Variants in SCFD2 observed in about 807,000 individuals in gnomAD.
The protein encoded by SCFD2 is sec1 family domain containing 2, also known as sec1 family domain-containing protein 2.
Under a neutral mutation model 58.9 loss-of-function variants are expected in SCFD2, and 54 were observed. The ratio of observed to expected loss-of-function variants is 0.92; its 90% CI spans 0.74 to 1.15. The LOEUF is 1.15. SCFD2 is among the 50% of genes most tolerant of loss of function. The pLI, the probability that SCFD2 is intolerant of heterozygous loss-of-function variation, is 0.00. For missense variants in SCFD2, 805 were observed against 836.6 expected (o/e 0.96, Z 0.47); for synonymous variants, 321 against 335.9 (o/e 0.96, Z 0.49).
chr4:53,342,418 T>C (rs1733910278), intron 2 of SCFD2, among the ~76,000 whole-genome samples: 1 of 152,170 alleles, frequency 6.6e-6, no homozygotes, highest in African/African-American at 2.4e-5. Context: ...CTATCCTAAA[T>C]ATATATGCAC....
intron 5 of SCFD2, among the ~76,000 whole-genome samples, chr4:53,138,882 T>A (rs1443992940): frequency 8.0e-6 from 1 of 124,864 alleles, no homozygotes; most frequent in African/African-American, 3.0e-5. Context: ...CTCCCTCTCG[T>A]CTCCGTCTCC....
At chr4:53,015,774 C>T (rs900619084) in intron 5 of SCFD2, among the ~76,000 whole-genome samples, 16 of 152,158 alleles carry the variant, frequency 1.1e-4, no homozygotes, top group South Asian at 1.0e-3. Context: ...AATTGATAAA[C>T]GGTCTTCTGT....
intron 2 of SCFD2, among the ~76,000 whole-genome samples, chr4:53,336,822 T>C (rs1733699620): frequency 6.6e-6 from 1 of 152,216 alleles, no homozygotes; most frequent in African/African-American, 2.4e-5. Flanking sequence ...GCCAGTTTTC[T>C]CATTTCTAAA....
rs371527518 is a variant in SCFD2, at chr4:52,901,179, AGAT to A, written c.1842+6275_1842+6277del. Among the ~76,000 whole-genome samples the A allele has an allele frequency of 1.4e-3, 215 of 152,306 alleles. 2 individuals are homozygous for A. The South Asian group carries it at 0.044, about 31-fold the overall frequency. ...ACCCGCTGTCCGGCATTCCCTCGTG[AGAT>A]GAACCCGGTACCTCAGTTGGAAATG... On this transcript the variant is annotated intron_variant, in intron 7 of 8. Coordinates refer to ENST00000401642, the MANE Select transcript of SCFD2 (RefSeq NM_152540.4).
chr4:52,975,678 T>C (rs1359024019), intron 5 of SCFD2, among the ~76,000 whole-genome samples: 2 of 152,160 alleles, frequency 1.3e-5, no homozygotes, highest in Admixed American at 6.5e-5. Flanking sequence ...ACTGGGTATA[T>C]ACCCAAAGGA....
At chr4:53,358,497 G>A (rs1734461241) in intron 1 of SCFD2, among the ~76,000 whole-genome samples, 1 of 151,302 alleles carries the variant, frequency 6.6e-6, no homozygotes, top group Non-Finnish European at 1.5e-5. Flanking sequence ...AGGTTGCAGT[G>A]AGCCGAGATG....
At chr4:52,941,907 ATC>A (rs1720303344) in intron 5 of SCFD2, among the ~76,000 whole-genome samples, 1 of 152,178 alleles carries the variant, frequency 6.6e-6, no homozygotes, top group Non-Finnish European at 1.5e-5. Flanking sequence ...AGCATCCTTA[ATC>A]TGAAACTCTG....
intron 5 of SCFD2, among the ~76,000 whole-genome samples, chr4:53,077,520 C>A (rs757323975): frequency 2.6e-5 from 4 of 152,124 alleles, no homozygotes; most frequent in African/African-American, 4.8e-5. Flanking sequence ...TCACTGCAAC[C>A]TCCGCCTCCT....
chr4:52,918,553 T>C (rs961860846), intron 6 of SCFD2, among the ~76,000 whole-genome samples: 16 of 152,166 alleles, frequency 1.1e-4, no homozygotes, highest in Admixed American at 9.8e-4. Flanking sequence ...GTGTCACATG[T>C]ATAGAATATG....
intron 5 of SCFD2, among the ~76,000 whole-genome samples, chr4:53,008,870 A>G (rs1275122270): frequency 6.6e-6 from 1 of 152,228 alleles, no homozygotes; most frequent in Non-Finnish European, 1.5e-5. Flanking sequence ...TATCATGCAG[A>G]ACGATCTGCT....
At chr4:53,247,630 C>G (rs1308868021) in intron 4 of SCFD2, among the ~76,000 whole-genome samples, 1 of 151,538 alleles carries the variant, frequency 6.6e-6, no homozygotes, top group Non-Finnish European at 1.5e-5. Flanking sequence ...GAGGCCGAGG[C>G]GGGTGGATCA....
chr4:53,298,714 C>A (rs1269579845), intron 3 of SCFD2, among the ~76,000 whole-genome samples: 1 of 152,158 alleles, frequency 6.6e-6, no homozygotes, highest in African/African-American at 2.4e-5. Context: ...TGAACTGACA[C>A]CTCACACAGC....
chr4:52,948,234 C>T (rs1396809012), intron 5 of SCFD2: 2 of 266,296 alleles, frequency 7.5e-6, no homozygotes, highest in Admixed American at 4.6e-5. Flanking sequence ...TGTTAATGCG[C>T]TTTCTCTTCC....
At chr4:53,296,053 C>A (rs571183128) in intron 3 of SCFD2, among the ~76,000 whole-genome samples, 65 of 152,076 alleles carry the variant, frequency 4.3e-4, no homozygotes, top group African/African-American at 1.6e-3. Context: ...ATTTTATTGA[C>A]GATTTTCACA....
Position 53,166,948 on chromosome 4 carries a change from G to C in SCFD2, c.1312-21366C>G, listed in dbSNP as rs147343765. On this transcript the variant is annotated intron_variant, in intron 4 of 8. Transcript: ENST00000401642. The stretch of plus-strand genomic sequence containing the variant: ...AGAGGATAGGGCTGTGAATAGGAGG[G>C]ATAGAGGACCTGTGATTTCATTAAA... 2.6e-5 allele frequency among the ~76,000 whole-genome samples: 4 copies of C among 152,210 alleles called. No homozygotes were observed. In the South Asian group the frequency reaches 8.3e-4, roughly 32 times the overall value.
chr4:53,104,921 G>A (rs952389456), intron 5 of SCFD2, among the ~76,000 whole-genome samples: 9 of 149,956 alleles, frequency 6.0e-5, no homozygotes, highest in Admixed American at 2.0e-4. Flanking sequence ...GAACAGCTCC[G>A]GTCTGCAGGT....
At chr4:52,944,727 C>T (rs1018802382) in intron 5 of SCFD2, among the ~76,000 whole-genome samples, 3 of 152,316 alleles carry the variant, frequency 2.0e-5, no homozygotes, top group African/African-American at 7.2e-5. Flanking sequence ...CACTAAAGTG[C>T]CTGGCCACTG....
chr4:53,273,457 T>C (rs1731234166), intron 4 of SCFD2: 2 of 159,208 alleles, frequency 1.3e-5, no homozygotes, highest in Non-Finnish European at 1.4e-5. Flanking sequence ...CTAGGTAATG[T>C]CAGAAGAAAT....
intron 4 of SCFD2, among the ~76,000 whole-genome samples, chr4:53,266,921 T>A (rs977426456): frequency 6.6e-6 from 1 of 152,194 alleles, no homozygotes; most frequent in Non-Finnish European, 1.5e-5. Flanking sequence ...TTTAAGCATA[T>A]AATATTATCT....
Sources: allele counts gnomAD v4.1 joint callset (sites outside exome capture counted in the v4.1 genomes callset), GRCh38; gene constraint gnomAD v4.1.1; transcripts MANE v1.5; gene names NCBI Gene and HGNC (gene_info 2026-07-23, HGNC 2026-07-21).